ANO3: variants seen among roughly 807,000 people sequenced by gnomAD.
ANO3 encodes anoctamin-3.
Under a neutral mutation model 144.8 loss-of-function variants are expected in ANO3, and 99 were observed. The observed-to-expected ratio is 0.68, with a 90% CI of 0.58 to 0.81. ANO3 has a LOEUF of 0.81. Among genes scored for constraint, ANO3 ranks in the 30% least tolerant of loss-of-function variants. The pLI is 0.00. For missense variants in ANO3, 905 were observed against 1,202.2 expected, an observed-to-expected ratio of 0.75 and a Z score of 3.66; for synonymous variants, 414 against 392.6, an observed-to-expected ratio of 1.05 and a Z score of -0.64.
At chr11:26,414,259 T>C (rs1461494005) in intron 1 of ANO3, among the ~76,000 whole-genome samples, 1 of 152,086 alleles carries the variant, frequency 6.6e-6, no homozygotes, top group East Asian at 1.9e-4. Context: ...CAAAGGAAGA[T>C]AAATCATTCT....
At chr11:26,383,133 A>ATT (rs1397078797) in intron 1 of ANO3, among the ~76,000 whole-genome samples, 5 of 152,122 alleles carry the variant, frequency 3.3e-5, no homozygotes, top group Non-Finnish European at 5.9e-5. Context: ...GAAATAAAGG[A>ATT]TTTTAGTGAT....
At chr11:26,339,094 C>T (rs574392843) in intron 1 of ANO3, among the ~76,000 whole-genome samples, 8 of 151,832 alleles carry the variant, frequency 5.3e-5, no homozygotes, top group South Asian at 4.2e-4. Context: ...TGCAAGTTAA[C>T]GCTTAATGAG....
At chr11:26,501,667 A>G (rs1337712620) in intron 4 of ANO3, among the ~76,000 whole-genome samples, 19 of 152,282 alleles carry the variant, frequency 1.2e-4, no homozygotes, top group Non-Finnish European at 1.5e-5. Context: ...TTTACCCAAC[A>G]AGCTCCACAT....
intron 1 of ANO3, among the ~76,000 whole-genome samples, chr11:26,232,162 T>G (rs1403605527): frequency 6.6e-6 from 1 of 152,148 alleles, no homozygotes; most frequent in Non-Finnish European, 1.5e-5. Flanking sequence ...CTCGTTGTAT[T>G]TAGCACAAGA....
chr11:26,365,977 TA>T (rs56335663), intron 1 of ANO3, among the ~76,000 whole-genome samples: 3,382 of 73,312 alleles, frequency 0.046, 177 homozygotes, highest in East Asian at 0.13. Context: ...TATATATATA[TA>T]TATATATATA....
At chr11:26,255,519 A>G (rs938119859) in intron 1 of ANO3, among the ~76,000 whole-genome samples, 1 of 152,262 alleles carries the variant, frequency 6.6e-6, no homozygotes, top group South Asian at 2.1e-4. Context: ...ACATTTTCAG[A>G]TAGTACTACC....
intron 7 of ANO3, among the ~76,000 whole-genome samples, chr11:26,526,015 G>C (rs1849154238): frequency 6.6e-6 from 1 of 151,986 alleles, no homozygotes; most frequent in Non-Finnish European, 1.5e-5. Context: ...CACAGTAACA[G>C]AACAATAAAC....
At chr11:26,473,405 C>T (rs1859850034) in intron 4 of ANO3, among the ~76,000 whole-genome samples, 1 of 151,856 alleles carries the variant, frequency 6.6e-6, no homozygotes, top group Admixed American at 6.6e-5. Flanking sequence ...ACAATCATAT[C>T]ATTATGTGCA....
At chr11:26,510,110 G>T (rs1480839855) in intron 5 of ANO3, among the ~76,000 whole-genome samples, 1 of 134,330 alleles carries the variant, frequency 7.4e-6, no homozygotes, top group African/African-American at 2.9e-5. Context: ...CTCCAGTCTG[G>T]CTACATTGCG....
intron 7 of ANO3, among the ~76,000 whole-genome samples, chr11:26,527,187 C>T (rs943193618): frequency 2.0e-5 from 3 of 151,960 alleles, no homozygotes; most frequent in African/African-American, 4.8e-5. Flanking sequence ...TAAATCCTAA[C>T]GAAACATTTT....
At chr11:26,441,106 G>GTTTT (rs1022676698) in intron 1 of ANO3, among the ~76,000 whole-genome samples, 1,042 of 86,524 alleles carry the variant, frequency 0.012, 101 homozygotes, top group East Asian at 0.026. Context: ...TTGCTGCCCA[G>GTTTT]TTTTTTTTTT....
At chr11:26,552,999 A>G (rs1451507026) in intron 12 of ANO3, among the ~76,000 whole-genome samples, 3 of 366 alleles carry the variant, frequency 8.2e-3, no homozygotes, top group African/African-American at 0.02. Flanking sequence ...TTCACCATTT[A>G]TCACACAATT....
chr11:26,457,078 G>A (rs1367665943), intron 3 of ANO3, among the ~76,000 whole-genome samples: 1 of 122,464 alleles, frequency 8.2e-6, no homozygotes, highest in Non-Finnish European at 1.7e-5. Flanking sequence ...ACTGTTGTGG[G>A]GTGGGGGGAG....
chr11:26,231,864 A>C (rs1361893904), intron 1 of ANO3, among the ~76,000 whole-genome samples: 1 of 152,144 alleles, frequency 6.6e-6, no homozygotes, highest in Non-Finnish European at 1.5e-5. Context: ...AACAGTCCTT[A>C]GTTTAAAGTG....
intron 14 of ANO3, among the ~76,000 whole-genome samples, chr11:26,571,753 T>A (rs896785662): frequency 7.9e-5 from 12 of 152,190 alleles, no homozygotes; most frequent in Non-Finnish European, 1.8e-4. Flanking sequence ...CATAGTCACG[T>A]ATGTTTTAAA....
At chr11:26,525,719 C>A in intron 7 of ANO3, 40 bp downstream of exon 7, 2 of 1,528,596 alleles carry the variant, frequency 1.3e-6, no homozygotes, top group South Asian at 1.2e-5. Context: ...ACAAATTTGT[C>A]GTTTTGAAAA....
At chr11:26,396,487 G>A (rs145539786) in intron 1 of ANO3, among the ~76,000 whole-genome samples, 40,301 of 151,790 alleles carry the variant, frequency 0.27, 5,984 homozygotes, top group African/African-American at 0.4. Flanking sequence ...ATAAAGACAC[G>A]TGCACACATA....
chr11:26,479,886 T>C (rs552874256), intron 4 of ANO3, among the ~76,000 whole-genome samples: 2 of 152,192 alleles, frequency 1.3e-5, no homozygotes, highest in Non-Finnish European at 2.9e-5. Flanking sequence ...CTTTATTTTG[T>C]ATCAATCATG....
At chr11:26,605,158 A>C (rs964946339) in intron 17 of ANO3, among the ~76,000 whole-genome samples, 11 of 152,212 alleles carry the variant, frequency 7.2e-5, no homozygotes, top group Non-Finnish European at 1.5e-4. Flanking sequence ...CCTTTTCTGC[A>C]TCTATTGAGA....
Sources: gnomAD v4.1 joint callset for allele counts (sites outside exome capture counted in the v4.1 genomes callset) on GRCh38, gnomAD v4.1.1 for gene constraint, MANE v1.5 for transcripts, NCBI Gene and HGNC (gene_info 2026-07-23, HGNC 2026-07-21) for gene names.